The following PREX1 variants were observed in gnomAD, a reference collection of about 807,000 sequenced individuals.
PREX1 encodes phosphatidylinositol 3,4,5-trisphosphate-dependent Rac exchanger 1 protein.
Under a neutral mutation model 198.3 loss-of-function variants are expected in PREX1, and 41 were observed. The observed-to-expected ratio is 0.21, with a 90% CI of 0.16 to 0.27. The LOEUF is 0.27. Among genes scored for constraint, PREX1 ranks in the 10% least tolerant of loss-of-function variants. The pLI, the probability that PREX1 is intolerant of heterozygous loss-of-function variation, is 1.00. For missense variants in PREX1, 1,620 were observed against 2,200.7 expected (o/e 0.74, Z 5.28); for synonymous variants, 843 against 887.2 (o/e 0.95, Z 0.89).
At chr20:48,805,963 G>A (rs1379818324) in intron 1 of PREX1, among the ~76,000 whole-genome samples, 1 of 152,200 alleles carries the variant, frequency 6.6e-6, no homozygotes, top group Non-Finnish European at 1.5e-5. Flanking sequence ...CTCAGGATGT[G>A]CCAGACACTG....
chr20:48,885,164 T>C, the PREX1 span, among the ~76,000 whole-genome samples: 57 of 152,212 alleles, frequency 3.7e-4, no homozygotes, highest in Non-Finnish European at 7.1e-4. Flanking sequence ...AGGAGTCTAA[T>C]ACTAGCCACT....
At chr20:48,707,732 C>T (rs1450056739) in intron 6 of PREX1, among the ~76,000 whole-genome samples, 1 of 152,158 alleles carries the variant, frequency 6.6e-6, no homozygotes, top group Non-Finnish European at 1.5e-5. Flanking sequence ...TCTCAAGAAC[C>T]CCATCCCCTA....
At chr20:48,881,913 TCCCCAC>T in the PREX1 span, among the ~76,000 whole-genome samples, 1 of 151,326 alleles carries the variant, frequency 6.6e-6, no homozygotes, top group Admixed American at 6.6e-5. Context: ...CATGCTCCTT[TCCCCAC>T]CCCCACCCCC....
At chr20:48,850,074 A>C in the PREX1 span, among the ~76,000 whole-genome samples, 1 of 152,242 alleles carries the variant, frequency 6.6e-6, no homozygotes, top group Non-Finnish European at 1.5e-5. Flanking sequence ...GAGAATTAAA[A>C]GTCTATAGAG....
chr20:48,668,667 A>G (rs1286948212), intron 14 of PREX1, among the ~76,000 whole-genome samples: 1 of 152,046 alleles, frequency 6.6e-6, no homozygotes, highest in Non-Finnish European at 1.5e-5. Flanking sequence ...TGGCCTTGGC[A>G]TTTCACCACA....
rs538316553 is a variant in PREX1, at chr20:48,662,174, A to G, written c.1739-2113T>C. Among the ~76,000 whole-genome samples, 68 of 152,238 alleles carry G rather than the reference A, an allele frequency of 4.5e-4. 1 individual carries two copies. In the South Asian group the frequency reaches 0.014, roughly 32 times the overall value. On this transcript the variant is annotated intron_variant, in intron 15 of 39. Coordinates refer to ENST00000371941, the MANE Select transcript of PREX1 (RefSeq NM_020820.4). ...CTGTTACCTTTTTGAGAAAACAGAC[A>G]CACAAATTGCCACTTTCCCCAGAGC...
chr20:48,634,457 G>A, intron 33 of PREX1, among the ~76,000 whole-genome samples: 1 of 152,198 alleles, frequency 6.6e-6, no homozygotes, highest in Non-Finnish European at 1.5e-5. Context: ...GTTGGAAATA[G>A]CCGGGTTCAT....
At chr20:48,887,324 G>GCACTTTGGGAGGCCAAGGCATGCGGAT in the PREX1 span, among the ~76,000 whole-genome samples, 3 of 152,256 alleles carry the variant, frequency 2.0e-5, no homozygotes, top group African/African-American at 7.2e-5. Context: ...TGTAATCCCA[G>GCACTTTGGGAGGCCAAGGCATGCGGAT]CACTTTGGGA....
chr20:48,828,900 T>C (rs984851865), upstream of PREX1, among the ~76,000 whole-genome samples: 1 of 152,152 alleles, frequency 6.6e-6, no homozygotes, highest in African/African-American at 2.4e-5. Context: ...TCACCCGCCT[T>C]ATCGGAAGGT....
At chr20:48,751,012 C>T (rs2090131863) in intron 1 of PREX1, among the ~76,000 whole-genome samples, 1 of 152,232 alleles carries the variant, frequency 6.6e-6, no homozygotes, top group African/African-American at 2.4e-5. Flanking sequence ...TGGAAGCTCC[C>T]TGAAGGCAGG....
chr20:48,644,229 C>T (rs2089434974), intron 27 of PREX1, among the ~76,000 whole-genome samples, 180 bp downstream of exon 27: 1 of 152,148 alleles, frequency 6.6e-6, no homozygotes, highest in East Asian at 1.9e-4. Context: ...GTGCCCAGCA[C>T]ATAATATGGG....
intron 21 of PREX1, among the ~76,000 whole-genome samples, chr20:48,652,235 C>T (rs1344908925): frequency 6.6e-6 from 1 of 151,950 alleles, no homozygotes; most frequent in East Asian, 1.9e-4. Context: ...AGTTAAGAGA[C>T]CAGCCTGGGC....
intron 1 of PREX1, among the ~76,000 whole-genome samples, chr20:48,823,676 C>T (rs2090497224): frequency 6.6e-6 from 1 of 152,190 alleles, no homozygotes; most frequent in Non-Finnish European, 1.5e-5. Flanking sequence ...ATGGGAGTCA[C>T]AGAGGGCAAG....
chr20:48,814,201 T>G (rs2090449449), intron 1 of PREX1, among the ~76,000 whole-genome samples: 1 of 152,250 alleles, frequency 6.6e-6, no homozygotes, highest in African/African-American at 2.4e-5. Flanking sequence ...TGCTCATGCA[T>G]TCATTTCTTC....
At chr20:48,812,283 C>T (rs1013236695) in intron 1 of PREX1, among the ~76,000 whole-genome samples, 4 of 144,590 alleles carry the variant, frequency 2.8e-5, no homozygotes, top group African/African-American at 1.0e-4. Context: ...GGGTAAATAA[C>T]ATAAGAGGAA....
At chr20:48,672,452 A>G (rs1197237293) in intron 14 of PREX1, among the ~76,000 whole-genome samples, 2 of 152,214 alleles carry the variant, frequency 1.3e-5, no homozygotes, top group African/African-American at 4.8e-5. Flanking sequence ...CATCATCCCT[A>G]AAGTCTCCAC....
At chr20:48,643,969 G>A (rs925732629) in intron 27 of PREX1, among the ~76,000 whole-genome samples, 52 of 152,204 alleles carry the variant, frequency 3.4e-4, no homozygotes, top group Non-Finnish European at 8.8e-5. Flanking sequence ...GAGCCACCAC[G>A]CTCAGCCATG....
At chr20:48,745,185 C>T (rs758851443) in intron 2 of PREX1, 38 bp from the exon 3 acceptor site, 111 of 1,581,204 alleles carry the variant, frequency 7.0e-5, no homozygotes, top group Non-Finnish European at 9.0e-5. Context: ...AGCGTTAAGG[C>T]TCAGAGGGAG....
chr20:48,651,122 C>A, intron 22 of PREX1, 67 bp from the exon 23 acceptor site: 2 of 1,569,736 alleles, frequency 1.3e-6, no homozygotes. Context: ...GGTTCACCCA[C>A]AGTGACTCCT....
Sources: allele counts gnomAD v4.1 joint callset (sites outside exome capture counted in the v4.1 genomes callset), GRCh38; gene constraint gnomAD v4.1.1; transcripts MANE v1.5; gene names NCBI Gene and HGNC (gene_info 2026-07-23, HGNC 2026-07-21).